Variants in IARS1 observed in about 807,000 individuals in gnomAD.
IARS1 encodes isoleucyl-tRNA synthetase 1.
IARS1 carries 124 observed loss-of-function variants against 168.2 expected under a neutral mutation model. The observed-to-expected ratio is 0.74, with a 90% confidence interval of 0.64 to 0.86. The LOEUF (loss-of-function observed/expected upper bound fraction) is 0.86. IARS1 is among the 40% of genes least tolerant of loss of function. IARS1 has a pLI of 0.00. For missense variants in IARS1, 1,452 were observed against 1,515.8 expected (o/e 0.96, Z 0.70); for synonymous variants, 532 against 529.4 (o/e 1.00, Z -0.07).
rs181106354 is a variant in IARS1, at chr9:92,222,137, G to A, written c.3706+383C>T. Among the ~76,000 whole-genome samples, 22 of 150,596 alleles carry A rather than the reference G, an allele frequency of 1.5e-4. No individual in the cohort carries two copies. In the East Asian group the frequency reaches 2.5e-3, roughly 17 times the overall value. On this transcript the variant is annotated intron_variant, in intron 33 of 33. Transcript: ENST00000443024. ...GTTTGAGACCAGCCTGGCCAACATG[G>A]TGAAACCCCGTCTCTACTAAAATCC...
At chr9:92,215,445 A>G (rs183942474) in intron 33 of IARS1, among the ~76,000 whole-genome samples, 4,657 of 152,332 alleles carry the variant, frequency 0.031, 110 homozygotes, top group South Asian at 0.079. Flanking sequence ...GAGCTGAGAG[A>G]AGAGGGCTTC....
At position 92,243,322 on chromosome 9, in the gene IARS1, G is replaced by A; in HGVS notation, c.2905-11C>T. 1 of 1,562,560 alleles carries A rather than the reference G, an allele frequency of 6.4e-7. No individual in the cohort carries two copies. The highest frequency in any genetic ancestry group is 8.8e-7 in the Non-Finnish European group (1 of 1,133,148). On this transcript the variant is annotated splice_polypyrimidine_tract_variant and intron_variant, in intron 27 of 33. Transcript: ENST00000443024. Reference sequence around the variant, plus strand: ...TAAGAGGACCAAAGCCTGTGGGAATGAACAGTGCACACCATGACAATCAAA... The same window carrying A: ...TAAGAGGACCAAAGCCTGTGGGAATAAACAGTGCACACCATGACAATCAAA...
At chr9:92,289,163 C>T (rs1835917748) in intron 2 of IARS1, 138 bp downstream of exon 2, 2 of 501,772 alleles carry the variant, frequency 4.0e-6, no homozygotes, top group Non-Finnish European at 7.1e-6. Context: ...GCAGAGATTG[C>T]ACCACTGCCC....
rs767230465 is a variant in IARS1 at position 92,222,516 on chromosome 9, T to A, written c.3706+4A>T. ...AAAAAACTTACGGTCCACAATCTCC[T>A]TACCCTGCGTTTGGGTCTCATTCAG... On this transcript the variant is annotated splice_donor_region_variant and intron_variant, in intron 33 of 33. Transcript: ENST00000443024. 1.9e-6 allele frequency: 3 copies of A among 1,613,466 alleles called. No homozygotes were observed. In the Admixed American group the frequency reaches 5.0e-5, roughly 27 times the overall value.
At chr9:92,282,488 T>A (rs1834753334) in intron 6 of IARS1, among the ~76,000 whole-genome samples, 4 of 151,852 alleles carry the variant, frequency 2.6e-5, no homozygotes, top group Admixed American at 2.0e-4. Context: ...AAAATTAAAA[T>A]TTTTTAGCAC....
At chr9:92,211,203 G>C (rs1288751157) in intron 33 of IARS1, among the ~76,000 whole-genome samples, 2 of 152,180 alleles carry the variant, frequency 1.3e-5, no homozygotes, top group African/African-American at 4.8e-5. Flanking sequence ...TATATCAGTT[G>C]AGAAAGACAG....
At chr9:92,228,974 C>T (rs12377277) in intron 31 of IARS1, 27 bp downstream of exon 31, 19 of 1,613,024 alleles carry the variant, frequency 1.2e-5, no homozygotes, top group Non-Finnish European at 1.4e-5. Flanking sequence ...AGTCAAAGGA[C>T]GTAGGCTCCT....
chr9:92,271,788 G>A (rs977449442), intron 10 of IARS1, 133 bp from the exon 11 acceptor site: 12 of 976,860 alleles, frequency 1.2e-5, no homozygotes, highest in Non-Finnish European at 1.8e-5. Context: ...GTAAACTGAA[G>A]GTAACTCAAG....
chr9:92,231,405 T>TA (rs1826660742), intron 30 of IARS1, among the ~76,000 whole-genome samples: 1 of 151,630 alleles, frequency 6.6e-6, no homozygotes, highest in Admixed American at 6.6e-5. Context: ...GTATATGTGT[T>TA]ATTTTTTTCT....
intron 30 of IARS1, among the ~76,000 whole-genome samples, chr9:92,232,352 T>C (rs1238022394): frequency 6.6e-6 from 1 of 152,192 alleles, no homozygotes; most frequent in Non-Finnish European, 1.5e-5. Flanking sequence ...TTTCTACAAA[T>C]TTGATTCATA....
At chr9:92,291,510 CAAG>C (rs2134019130) in intron 1 of IARS1, among the ~76,000 whole-genome samples, 1 of 152,214 alleles carries the variant, frequency 6.6e-6, no homozygotes, top group South Asian at 2.1e-4. Context: ...AAAAACAGGA[CAAG>C]AACAGTTGGG....
intron 22 of IARS1, among the ~76,000 whole-genome samples, chr9:92,251,455 G>A (rs571678408): frequency 1.3e-5 from 2 of 152,230 alleles, no homozygotes; most frequent in Non-Finnish European, 2.9e-5. Context: ...TATTTACTCA[G>A]ACAGGTATTA....
rs370755293 is a variant in IARS1 at position 92,250,281 on chromosome 9, A to C, written c.2438T>G (p.Leu813Trp). The change falls in exon 24 of 34, where the codon TTG (leucine) becomes TGG (tryptophan). Residue 813 changes from leucine (L) to tryptophan (W), a missense_variant. Transcript: ENST00000443024. ...YLMLPRVREELIDKKTESAVS... is the reference protein window; with the variant it reads ...YLMLPRVREEWIDKKTESAVS... The stretch of plus-strand genomic sequence containing the variant: ...TGCACTCTCTGTTTTCTTGTCAATC[A>C]ATTCTTCTCTGAGTGGTAGAGGTAG... 5 of 1,593,950 alleles carry C rather than the reference A, an allele frequency of 3.1e-6. No individual in the cohort carries two copies. In the African/African-American group the frequency reaches 4.0e-5, roughly 13 times the overall value.
chr9:92,280,717 T>G (rs560070521), intron 7 of IARS1, 29 bp downstream of exon 7: 16 of 1,493,566 alleles, frequency 1.1e-5, no homozygotes, highest in Non-Finnish European at 1.5e-5. Context: ...TTATCCATAT[T>G]AATCATAAGT....
chr9:92,234,157 T>C (rs1400942320), intron 30 of IARS1, among the ~76,000 whole-genome samples: 1 of 152,208 alleles, frequency 6.6e-6, no homozygotes, highest in South Asian at 2.1e-4. Flanking sequence ...TGAAATAAAA[T>C]TCATTTTTGT....
chr9:92,292,941 T>C (rs1319283501), intron 1 of IARS1, among the ~76,000 whole-genome samples: 1 of 152,256 alleles, frequency 6.6e-6, no homozygotes, highest in Non-Finnish European at 1.5e-5. Context: ...CATGACATTT[T>C]TGAGTCACCC....
intron 16 of IARS1, 143 bp downstream of exon 16, chr9:92,264,786 G>C (rs1421114079): frequency 3.0e-6 from 2 of 676,002 alleles, no homozygotes; most frequent in Non-Finnish European, 4.9e-6. Flanking sequence ...CTTGGTGGTG[G>C]AGGGGAGAGG....
chr9:92,232,578 A>G (rs928058922), intron 30 of IARS1, among the ~76,000 whole-genome samples: 1 of 152,214 alleles, frequency 6.6e-6, no homozygotes, highest in Non-Finnish European at 1.5e-5. Context: ...AGGGTATGAG[A>G]AAGTTGTAGT....
chr9:92,278,119 A>G (rs1834021936), intron 8 of IARS1, 80 bp downstream of exon 8: 3 of 1,149,456 alleles, frequency 2.6e-6, no homozygotes, highest in Admixed American at 1.8e-5. Context: ...TTTGGATAAC[A>G]AAGTTTATTT....
Sources: gnomAD v4.1 joint callset for allele counts (sites outside exome capture counted in the v4.1 genomes callset) on GRCh38, gnomAD v4.1.1 for gene constraint, MANE v1.5 for transcripts, NCBI Gene and HGNC (gene_info 2026-07-23, HGNC 2026-07-21) for gene names.